P3H4: variants seen among roughly 807,000 people sequenced by gnomAD.
P3H4 encodes the protein prolyl 3-hydroxylase family member 4 (inactive).
In P3H4, 47 loss-of-function variants were observed where a neutral mutation model predicts 52.9. That is an observed-to-expected ratio of 0.89 (90% CI 0.70 to 1.13). The LOEUF is 1.13. Among genes scored for constraint, P3H4 ranks in the 50% most tolerant of loss-of-function variants. P3H4 has a pLI of 0.00. For synonymous variants in P3H4, 256 were observed against 267.9 expected (o/e 0.96, Z 0.44); for missense variants, 585 against 611.0 (o/e 0.96, Z 0.45).
In P3H4 at chr17:41,802,149, C is replaced by G. The variant is rs2047624075; in HGVS notation, c.*808G>C. 1 of 152,416 alleles carries G rather than the reference C, an allele frequency of 6.6e-6. No homozygotes were observed. The highest frequency in any genetic ancestry group is 1.5e-5 in the Non-Finnish European group (1 of 68,214). The allele number at this position is 152,416 out of a possible 1,614,324, so 9.4% of individuals were successfully genotyped here. A position where few individuals can be genotyped will look rare whatever the true frequency, so the allele number is the denominator to read the frequency against. On this transcript the variant is annotated 3_prime_UTR_variant, in exon 8 of 8. Coordinates refer to ENST00000393928, the MANE Select transcript of P3H4 (RefSeq NM_006455.3). Reference sequence around the variant, plus strand: ...CAGTGAGGAGGGCGGACCCCATCAGCCCACTTGCCAACCTGCAATGCCACC... The same window carrying G: ...CAGTGAGGAGGGCGGACCCCATCAGGCCACTTGCCAACCTGCAATGCCACC...
Position 41,807,915 on chromosome 17 carries a change from A to C in P3H4, c.1006T>G (p.Tyr336Asp). The change falls in exon 5 of 8, where the codon TAC (tyrosine) becomes GAC (aspartate). Residue 336 changes from tyrosine to aspartate, a missense_variant. Tyr to Asp is a radical substitution (Grantham distance 160). Coordinates refer to ENST00000393928, the MANE Select transcript of P3H4 (RefSeq NM_006455.3). The stretch of plus-strand genomic sequence containing the variant: ...CCCCAGCGAGCCCGGTGGAACCGGT[A>C]ATACACCAGGTTCTGCTGCATGACG... ...DSVMQQNLVY[Y>D]RFHRARWGLE... is the part of the protein sequence containing the mutation. 6.2e-7 allele frequency: 1 copy of C among 1,614,198 alleles called. No homozygotes were observed. The highest frequency in any genetic ancestry group is 8.5e-7 in the Non-Finnish European group (1 of 1,180,016).
At position 41,802,651 on chromosome 17, in the gene P3H4, A is replaced by G. The variant is rs1361394765; in HGVS notation, c.*306T>C. ...ACTGCAACCTTTGCCTCCCAGGTTC[A>G]AGCGATTCTCCTGCCTCAGCCTCTT... On this transcript the variant is annotated 3_prime_UTR_variant, in exon 8 of 8. Transcript: ENST00000393928. 2 of 323,012 alleles carry G rather than the reference A, an allele frequency of 6.2e-6. No homozygotes were observed. Among genetic ancestry groups the G allele is most frequent in the Non-Finnish European group, 1.1e-5 (2 of 176,192 alleles). 20.0% of individuals were successfully genotyped at this position (323,012 alleles called of 1,614,324 possible).
rs782346159 is a variant in P3H4, at chr17:41,806,832, C to T, written c.1110G>A (p.Leu370=). ...HNQTAELREL[L]EFTHMYLQSD... ...ACTGCAGGTACATGTGGGTGAACTC[C>T]AGCAGCTCCCGCAGCTCGGCGGTCT... is the stretch of plus-strand genomic sequence containing the variant. The change falls in exon 6 of 8, where the codon CTG becomes CTA. Residue 370 remains leucine, a synonymous_variant. Transcript: ENST00000393928. The T allele has an allele frequency of 1.2e-6, 2 of 1,613,770 alleles. No individual in the cohort carries two copies. Among genetic ancestry groups the T allele is most frequent in the Non-Finnish European group, 1.7e-6 (2 of 1,179,946 alleles).
chr17:41,803,565 G>C (rs944203283), intron 6 of P3H4, 134 bp from the exon 7 acceptor site: 2 of 762,012 alleles, frequency 2.6e-6, no homozygotes. Flanking sequence ...CCAGTCTCAA[G>C]ATCTAATGAG....
chr17:41,809,461 G>A (rs1286054512), intron 4 of P3H4, among the ~76,000 whole-genome samples: 1 of 152,088 alleles, frequency 6.6e-6, no homozygotes, highest in African/African-American at 2.4e-5. Flanking sequence ...TGGTTGTCTA[G>A]TCATTTGCCC....
In P3H4 at chr17:41,802,766, G is replaced by A. The variant is rs2047631196; in HGVS notation, c.*191C>T. ...GAGGTCTCATCATGTTGGCCAGGCT[G>A]GTCTTGAACTCCTGGCCTCAAGTGA... On this transcript the variant is annotated 3_prime_UTR_variant, in exon 8 of 8. Transcript: ENST00000393928. 1 of 575,330 alleles carries A rather than the reference G, an allele frequency of 1.7e-6. No individual in the cohort carries two copies. The highest frequency in any genetic ancestry group is 3.0e-6 in the Non-Finnish European group (1 of 329,462). The allele number at this position is 575,330 out of a possible 1,614,324, so 35.6% of individuals were successfully genotyped here. A position where few individuals can be genotyped will look rare whatever the true frequency, so the allele number is the denominator to read the frequency against.
In P3H4 at chr17:41,809,930, G is replaced by A. The variant is rs1241214909; in HGVS notation, c.788-96C>T. 1.3e-5 allele frequency: 19 copies of A among 1,421,114 alleles called. No homozygotes were observed. The Admixed American group carries it at 3.3e-4, about 25-fold the overall frequency. 88.0% of individuals were successfully genotyped at this position (1,421,114 alleles called of 1,614,324 possible). A position where few individuals can be genotyped will look rare whatever the true frequency, so the allele number is the denominator to read the frequency against. ...TCTAAATCCAATCTCTGCCTACTAA[G>A]CCAAGCTGCTTGTCCAGAAAATGTG... On this transcript the variant is annotated intron_variant, in intron 3 of 7. Transcript: ENST00000393928.
chr17:41,803,112 T>G, intron 7 of P3H4, 133 bp from the exon 8 acceptor site: 7 of 1,415,728 alleles, frequency 4.9e-6, no homozygotes, highest in Non-Finnish European at 6.7e-6. Flanking sequence ...CCAGGGGAGA[T>G]GCTGCACCAC....
At chr17:41,805,017 G>A (rs1308359053) in intron 6 of P3H4, among the ~76,000 whole-genome samples, 1 of 151,690 alleles carries the variant, frequency 6.6e-6, no homozygotes, top group Non-Finnish European at 1.5e-5. Flanking sequence ...CGGGTGTGGT[G>A]GCTCACACCT....
intron 6 of P3H4, among the ~76,000 whole-genome samples, chr17:41,804,153 G>A (rs1012667375): frequency 2.6e-5 from 4 of 151,724 alleles, no homozygotes; most frequent in East Asian, 2.0e-4. Context: ...GGGTTTCACC[G>A]TGTTAGCCAG....
intron 6 of P3H4, 120 bp downstream of exon 6, chr17:41,806,676 T>C (rs2047677052): frequency 3.9e-6 from 3 of 771,018 alleles, no homozygotes; most frequent in African/African-American, 1.7e-5. Context: ...GGCAAACCTC[T>C]CTTCTTCACG....
intron 6 of P3H4, among the ~76,000 whole-genome samples, chr17:41,805,412 T>C (rs1164255555): frequency 6.6e-6 from 1 of 151,472 alleles, no homozygotes; most frequent in African/African-American, 2.4e-5. Flanking sequence ...CTGCAACCTC[T>C]GCCTCTGGTT....
intron 3 of P3H4, among the ~76,000 whole-genome samples, chr17:41,810,420 C>T (rs1469443611): frequency 3.9e-5 from 6 of 152,038 alleles, no homozygotes; most frequent in Admixed American, 3.9e-4. Flanking sequence ...GATCTGCCTG[C>T]CTCGGCCTCC....
chr17:41,803,019 C>A, intron 7 of P3H4, 40 bp from the exon 8 acceptor site: 1 of 1,604,996 alleles, frequency 6.2e-7, no homozygotes, highest in African/African-American at 1.3e-5. Context: ...TGCTCCCCCA[C>A]CCACTCCCAA....
At position 41,811,608 on chromosome 17, in the gene P3H4, A is replaced by C. The variant is rs782081619; in HGVS notation, c.308T>G (p.Leu103Arg). 1.5e-5 allele frequency: 23 copies of C among 1,551,394 alleles called. No homozygotes were observed. Among genetic ancestry groups the C allele is most frequent in the Admixed American group, 6.0e-5 (3 of 50,174 alleles). ...CTCCAGGACGCGGCCGAAGAGCCGC[A>C]GCTCGCAGGCCCACTCGTCTGCGCG... ...GGRADEWACE[L>R]RLFGRVLERA... is the part of the protein sequence containing the mutation. The change falls in exon 1 of 8, where the codon CTG (leucine) becomes CGG (arginine). Residue 103 changes from leucine to arginine, a missense_variant. Physicochemically the swap from Leu to Arg is moderately radical, Grantham distance 102 (BLOSUM62 -2). Coordinates refer to ENST00000393928, the MANE Select transcript of P3H4 (RefSeq NM_006455.3). This position sits in a 1 kb window ranked among gnomAD's most constrained non-coding sequence, Gnocchi z 4.8.
Position 41,810,768 on chromosome 17 carries a change from C to T in P3H4, c.787+95G>A, listed in dbSNP as rs576216103. 118 of 1,444,584 alleles carry T rather than the reference C, an allele frequency of 8.2e-5. No individual in the cohort carries two copies. In the Middle Eastern group the frequency reaches 1.3e-3, roughly 16 times the overall value. 89.5% of individuals were successfully genotyped at this position (1,444,584 alleles called of 1,614,324 possible). A position where few individuals can be genotyped will look rare whatever the true frequency, so the allele number is the denominator to read the frequency against. On this transcript the variant is annotated intron_variant, in intron 3 of 7. Coordinates refer to ENST00000393928, the MANE Select transcript of P3H4 (RefSeq NM_006455.3). Reference sequence around the variant, plus strand: ...AGGCCTTCCTCCCGGCTGGCTCCTCCGCATTCGCAGTGCTCCACGTGCATG... The same window carrying T: ...AGGCCTTCCTCCCGGCTGGCTCCTCTGCATTCGCAGTGCTCCACGTGCATG...
At position 41,811,236 on chromosome 17, in the gene P3H4, T is replaced by C. The variant is rs2047730980; in HGVS notation, c.511A>G (p.Arg171Gly). The change falls in exon 2 of 8, where the codon AGG becomes GGG. Residue 171 changes from arginine (R) to glycine (G), a missense_variant. Arg to Gly is a moderately radical substitution (Grantham distance 125). Transcript: ENST00000393928. The surrounding 1 kb of genome is among the most constrained non-coding windows in gnomAD (Gnocchi z 4.8). Reference sequence around the variant, plus strand: ...GCGGTCAGCTCGTGCTTCGGGTTCCTCTGGAGGAAGGTGTAGGCCGCCGCC... The same window carrying C: ...GCGGTCAGCTCGTGCTTCGGGTTCCCCTGGAGGAAGGTGTAGGCCGCCGCC... Reference protein sequence around the residue: ...AVAAAYTFLQRNPKHELTAKY... With the variant: ...AVAAAYTFLQGNPKHELTAKY... 1 of 1,614,016 alleles carries C rather than the reference T, an allele frequency of 6.2e-7. No individual in the cohort carries two copies. Among genetic ancestry groups the C allele is most frequent in the Non-Finnish European group, 8.5e-7 (1 of 1,180,030 alleles).
At position 41,803,408 on chromosome 17, in the gene P3H4, C is replaced by T. The variant is rs140569813; in HGVS notation, c.1170G>A (p.Pro390=). The change falls in exon 7 of 8, where the codon CCG becomes CCA. Residue 390 remains proline, a synonymous_variant. Coordinates refer to ENST00000393928, the MANE Select transcript of P3H4 (RefSeq NM_006455.3). ...ATAGGGCATCCTCAGGCTCCAGGGG[C>T]GGTTCTGTCTCCTCCAGCTCCATCT... is the stretch of plus-strand genomic sequence containing the variant. ...DDEMELEETE[P]PLEPEDALSD... The T allele has an allele frequency of 8.0e-4, 1,291 of 1,613,812 alleles. 22 individuals carry two copies. The South Asian group carries it at 0.013, about 16-fold the overall frequency.
intron 6 of P3H4, among the ~76,000 whole-genome samples, chr17:41,806,476 G>A (rs2047675359): frequency 6.6e-6 from 1 of 152,176 alleles, no homozygotes; most frequent in Non-Finnish European, 1.5e-5. Flanking sequence ...GGCCACAGGT[G>A]GCCAGGGAGG....
Sources: gnomAD v4.1 joint callset for allele counts (sites outside exome capture counted in the v4.1 genomes callset) on GRCh38, gnomAD v4.1.1 for gene constraint, Gnocchi (gnomAD v3.1) non-coding constraint, MANE v1.5 for transcripts, NCBI Gene and HGNC (gene_info 2026-07-23, HGNC 2026-07-21) for gene names.